Variants in TANC1 observed in about 807,000 individuals in gnomAD.
TANC1 encodes protein TANC1.
TANC1 carries 77 observed loss-of-function variants against 149.7 expected under a neutral mutation model. The ratio of observed to expected loss-of-function variants is 0.51; its 90% CI spans 0.43 to 0.62. TANC1 has a LOEUF of 0.62. Ranked by LOEUF, TANC1 falls within the 20% of genes least tolerant of loss-of-function variation. The pLI is 0.00. For missense variants in TANC1, 1,985 were observed against 2,321.8 expected (o/e 0.85, Z 2.98); for synonymous variants, 854 against 925.0 (o/e 0.92, Z 1.39).
chr2:158,973,779 A>C (rs1175310250), intron 1 of TANC1, among the ~76,000 whole-genome samples: 1 of 152,176 alleles, frequency 6.6e-6, no homozygotes, highest in African/African-American at 2.4e-5. Flanking sequence ...GGATATGAAG[A>C]TTCTTAATGT....
intron 1 of TANC1, among the ~76,000 whole-genome samples, chr2:158,975,014 G>A (rs2033464963): frequency 6.8e-6 from 1 of 147,232 alleles, no homozygotes; most frequent in South Asian, 2.1e-4. Context: ...GCCTCTCAAA[G>A]TGCTGGGATT....
At chr2:159,032,146 C>T (rs2039833320) in intron 2 of TANC1, among the ~76,000 whole-genome samples, 1 of 152,160 alleles carries the variant, frequency 6.6e-6, no homozygotes, top group Admixed American at 6.5e-5. Context: ...AAGGCATAGT[C>T]CATCTGCTCA....
At chr2:158,976,512 A>G (rs753764781) in intron 1 of TANC1, among the ~76,000 whole-genome samples, 3 of 152,256 alleles carry the variant, frequency 2.0e-5, no homozygotes, top group Non-Finnish European at 4.4e-5. Flanking sequence ...TGATATAAGT[A>G]TAAAGGAACA....
Position 159,224,435 on chromosome 2 carries a change from G to A in TANC1, c.3811+71G>A, listed in dbSNP as rs150399056. On this transcript the variant is annotated intron_variant, in intron 23 of 26. Coordinates refer to ENST00000263635, the MANE Select transcript of TANC1 (RefSeq NM_033394.3). ...CGATTGTAGAAGCCTAGACAGCACA[G>A]AGAGTGACCTGCTCCCAGGTTAGGA... 6.4e-5 allele frequency: 100 copies of A among 1,564,864 alleles called. No homozygotes were observed. In the African/African-American group the frequency reaches 8.5e-4, roughly 13 times the overall value.
chr2:159,003,745 C>T (rs879418890), intron 2 of TANC1, among the ~76,000 whole-genome samples: 5 of 152,204 alleles, frequency 3.3e-5, no homozygotes, highest in Non-Finnish European at 7.3e-5. Context: ...GCTGCCGCTG[C>T]CGCAGTCGTC....
At position 159,231,829 on chromosome 2, in the gene TANC1, G is replaced by A. The variant is rs1200280237; in HGVS notation, c.*817G>A. On this transcript the variant is annotated 3_prime_UTR_variant, in exon 27 of 27. Transcript: ENST00000263635. ...GGTTTCCAAACTGCTTTTAACAATG[G>A]TAGTGCTCCTGGAACAATCCTTCCA... The A allele has an allele frequency of 6.6e-6, 1 of 152,100 alleles. No individual in the cohort carries two copies. The highest frequency in any genetic ancestry group is 1.5e-5 in the Non-Finnish European group (1 of 67,998). The allele number at this position is 152,100 out of a possible 1,614,324, so 9.4% of individuals were successfully genotyped here.
chr2:158,970,071 GGGCTCAA>G (rs2032616661), intron 1 of TANC1, among the ~76,000 whole-genome samples: 1 of 151,868 alleles, frequency 6.6e-6, no homozygotes, highest in South Asian at 2.1e-4. Flanking sequence ...TTTGAGGAAA[GGGCTCAA>G]GATTGCTGAG....
intron 1 of TANC1, among the ~76,000 whole-genome samples, chr2:158,980,094 C>T (rs2149211707): frequency 6.6e-6 from 1 of 152,278 alleles, no homozygotes; most frequent in South Asian, 2.1e-4. Flanking sequence ...AGGAAGTTAA[C>T]AGGTGTTACG....
chr2:159,028,143 G>A (rs2039498435), intron 2 of TANC1, among the ~76,000 whole-genome samples: 2 of 151,738 alleles, frequency 1.3e-5, no homozygotes, highest in Non-Finnish European at 1.5e-5. Flanking sequence ...TTCTTGATAC[G>A]GAGTCTCACT....
intron 4 of TANC1, among the ~76,000 whole-genome samples, chr2:159,117,780 C>A (rs1385783333): frequency 6.9e-6 from 1 of 145,032 alleles, no homozygotes; most frequent in Non-Finnish European, 1.5e-5. Flanking sequence ...CGAGAGGACA[C>A]CATATTGCAT....
At chr2:158,996,139 C>A (rs1386402434) in intron 1 of TANC1, among the ~76,000 whole-genome samples, 2 of 152,176 alleles carry the variant, frequency 1.3e-5, no homozygotes, top group Non-Finnish European at 2.9e-5. Flanking sequence ...CTGTTTGAGC[C>A]CAGGAGTTCG....
chr2:159,168,057 A>G (rs2054790360), intron 8 of TANC1, among the ~76,000 whole-genome samples: 1 of 152,140 alleles, frequency 6.6e-6, no homozygotes, highest in Admixed American at 6.5e-5. Context: ...AAGTCACTGT[A>G]TATTTTCTTG....
intron 3 of TANC1, among the ~76,000 whole-genome samples, chr2:159,084,810 A>G (rs1290717914): frequency 6.6e-6 from 1 of 152,184 alleles, no homozygotes; most frequent in African/African-American, 2.4e-5. Context: ...CATGCTCAGT[A>G]TACACCTTGG....
At chr2:159,005,899 A>G (rs545254127) in intron 2 of TANC1, among the ~76,000 whole-genome samples, 92 of 151,900 alleles carry the variant, frequency 6.1e-4, no homozygotes, top group Non-Finnish European at 1.1e-3. Flanking sequence ...AGGCCAAAAA[A>G]TTTTTTTTTA....
chr2:159,023,827 G>T (rs11690570), intron 2 of TANC1, among the ~76,000 whole-genome samples: 9,784 of 152,066 alleles, frequency 0.064, 429 homozygotes, highest in Middle Eastern at 0.11. Flanking sequence ...AATTAACTGG[G>T]TATTATGGCA....
intron 8 of TANC1, among the ~76,000 whole-genome samples, chr2:159,164,602 G>A (rs969127244): frequency 6.6e-6 from 1 of 152,190 alleles, no homozygotes; most frequent in African/African-American, 2.4e-5. Flanking sequence ...AGAGGAACTT[G>A]TTACAGTCAT....
chr2:159,119,114 TA>T (rs2048590034), intron 4 of TANC1, among the ~76,000 whole-genome samples: 1 of 152,366 alleles, frequency 6.6e-6, no homozygotes, highest in African/African-American at 2.4e-5. Context: ...TTTTCTTTGG[TA>T]TAGGCAGATT....
intron 1 of TANC1, among the ~76,000 whole-genome samples, chr2:158,993,849 T>C (rs1049659339): frequency 2.0e-5 from 3 of 152,236 alleles, no homozygotes; most frequent in Non-Finnish European, 4.4e-5. Context: ...TTGTCCTGAA[T>C]TGCCTTTATT....
Position 159,094,641 on chromosome 2 carries a change from C to T in TANC1, c.62-2996C>T, listed in dbSNP as rs567819457. Among the ~76,000 whole-genome samples the T allele has an allele frequency of 1.4e-4, 22 of 152,250 alleles. 1 individual carries two copies. The highest frequency in any genetic ancestry group is 6.8e-3 in the Middle Eastern group (2 of 294). On this transcript the variant is annotated intron_variant, in intron 3 of 26. Coordinates refer to ENST00000263635, the MANE Select transcript of TANC1 (RefSeq NM_033394.3). ...AAACTCGTGACCTGGCCGAAAGCCTCGAGGTGGTTTCTCAAAGATTCCAGA... is the reference window on the plus strand; with the variant it reads ...AAACTCGTGACCTGGCCGAAAGCCTTGAGGTGGTTTCTCAAAGATTCCAGA...
Sources: allele counts gnomAD v4.1 joint callset (sites outside exome capture counted in the v4.1 genomes callset), GRCh38; gene constraint gnomAD v4.1.1; transcripts MANE v1.5; gene names NCBI Gene and HGNC (gene_info 2026-07-23, HGNC 2026-07-21).